CIMAP3: variants seen among roughly 807,000 people sequenced by gnomAD.
The protein encoded by CIMAP3 is ciliary microtubule associated protein 3.
the CIMAP3 span, among the ~76,000 whole-genome samples, chr1:111,340,800 G>A: frequency 2.6e-5 from 4 of 152,022 alleles, no homozygotes; most frequent in Non-Finnish European, 5.9e-5. Context: ...TCAGTGTGGC[G>A]ATCCCTCAGG....
chr1:111,336,022 A>C, the CIMAP3 span, among the ~76,000 whole-genome samples: 1 of 152,316 alleles, frequency 6.6e-6, no homozygotes, highest in South Asian at 2.1e-4. Flanking sequence ...GAACGATCAG[A>C]CAGCAGCATT....
the CIMAP3 span, chr1:111,351,861 C>T: frequency 6.6e-6 from 1 of 152,380 alleles, no homozygotes; most frequent in Admixed American, 6.5e-5. Context: ...AAAATTGCCC[C>T]TTTCCTATGA....
chr1:111,327,338 G>A, the CIMAP3 span, among the ~76,000 whole-genome samples: 1 of 152,024 alleles, frequency 6.6e-6, no homozygotes, highest in African/African-American at 2.4e-5. Flanking sequence ...GTCTGTGCCA[G>A]GTTTTGGTAC....
the CIMAP3 span, among the ~76,000 whole-genome samples, chr1:111,328,106 C>T: frequency 5.9e-5 from 9 of 152,204 alleles, no homozygotes; most frequent in South Asian, 1.9e-3. Context: ...TCATGATTTA[C>T]CCAAAAGTCA....
At chr1:111,328,159 T>G in the CIMAP3 span, among the ~76,000 whole-genome samples, 2 of 152,238 alleles carry the variant, frequency 1.3e-5, no homozygotes, top group African/African-American at 4.8e-5. Context: ...TGTATAGTTT[T>G]GAGCGATTTT....
the CIMAP3 span, chr1:111,347,752 A>G: frequency 1.2e-6 from 2 of 1,611,976 alleles, no homozygotes; most frequent in Admixed American, 1.7e-5. Flanking sequence ...AACAGCTGTG[A>G]GGTTTAAGCC....
chr1:111,348,468 A>G, the CIMAP3 span: 1 of 1,522,926 alleles, frequency 6.6e-7, no homozygotes, highest in Non-Finnish European at 8.8e-7. Context: ...TTATGTGTAT[A>G]TATATACATA....
chr1:111,348,151 G>A, the CIMAP3 span, among the ~76,000 whole-genome samples: 3 of 152,190 alleles, frequency 2.0e-5, no homozygotes, highest in Admixed American at 6.5e-5. Flanking sequence ...CTAAAGTTCA[G>A]TAGGGGATCC....
the CIMAP3 span, among the ~76,000 whole-genome samples, chr1:111,335,520 C>T: frequency 2.6e-5 from 4 of 152,200 alleles, no homozygotes; most frequent in Middle Eastern, 3.2e-3. Context: ...TTCCGATGGG[C>T]TTAAAAAACA....
chr1:111,335,442 A>G, the CIMAP3 span, among the ~76,000 whole-genome samples: 1 of 152,272 alleles, frequency 6.6e-6, no homozygotes, highest in African/African-American at 2.4e-5. Flanking sequence ...GTTCCCTTTC[A>G]TAGTCATAGA....
chr1:111,334,858 G>A, the CIMAP3 span, among the ~76,000 whole-genome samples: 1 of 152,098 alleles, frequency 6.6e-6, no homozygotes, highest in South Asian at 2.1e-4. Flanking sequence ...CACGCAAGGT[G>A]GCTCATGCCT....
the CIMAP3 span, among the ~76,000 whole-genome samples, chr1:111,330,427 C>T: frequency 6.6e-6 from 1 of 152,134 alleles, no homozygotes; most frequent in Non-Finnish European, 1.5e-5. Flanking sequence ...GACTTCTTGC[C>T]TCTGGTTTCA....
chr1:111,338,080 C>A, the CIMAP3 span, among the ~76,000 whole-genome samples: 1 of 149,424 alleles, frequency 6.7e-6, no homozygotes, highest in African/African-American at 2.5e-5. Flanking sequence ...ACTGAACAAC[C>A]TGCTCCTGAA....
At chr1:111,324,975 C>T in the CIMAP3 span, 8 of 753,550 alleles carry the variant, frequency 1.1e-5, no homozygotes, top group African/African-American at 1.9e-5. Context: ...AGAATATTCA[C>T]AAGGTCTCTG....
chr1:111,349,517 G>A, the CIMAP3 span: 1 of 152,372 alleles, frequency 6.6e-6, no homozygotes, highest in African/African-American at 2.4e-5. Flanking sequence ...GAAATCCAAG[G>A]ATCACAGAGT....
At chr1:111,335,592 G>A in the CIMAP3 span, among the ~76,000 whole-genome samples, 4 of 152,256 alleles carry the variant, frequency 2.6e-5, no homozygotes, top group African/African-American at 7.2e-5. Flanking sequence ...GAATCTCGCT[G>A]ATTGCTAGCA....
At chr1:111,335,161 A>AAT in the CIMAP3 span, among the ~76,000 whole-genome samples, 184 of 128,340 alleles carry the variant, frequency 1.4e-3, 8 homozygotes, top group Middle Eastern at 8.8e-3. Context: ...AAAGACAGAA[A>AAT]AAAAAAGAAA....
At chr1:111,324,823 G>C in the CIMAP3 span, 1 of 985,284 alleles carries the variant, frequency 1.0e-6, no homozygotes, top group Non-Finnish European at 1.2e-6. Context: ...TTCTCTACCT[G>C]GGAGCTTGAG....
chr1:111,345,145 A>G, the CIMAP3 span, among the ~76,000 whole-genome samples: 1 of 152,182 alleles, frequency 6.6e-6, no homozygotes, highest in East Asian at 1.9e-4. Context: ...CTAATGACAC[A>G]TTTCTTAGAA....
Sources: gnomAD v4.1 joint callset for allele counts (sites outside exome capture counted in the v4.1 genomes callset) on GRCh38, gnomAD v4.1.1 for gene constraint, MANE v1.5 for transcripts, NCBI Gene and HGNC (gene_info 2026-07-23, HGNC 2026-07-21) for gene names.